CD81: variants seen among roughly 807,000 people sequenced by gnomAD.
The protein encoded by CD81 is CD81 molecule.
Under a neutral mutation model 30.1 loss-of-function variants are expected in CD81, and 10 were observed. The observed-to-expected ratio is 0.33, with a 90% CI of 0.21 to 0.56. The LOEUF is 0.56. Ranked by LOEUF, CD81 falls within the 20% of genes least tolerant of loss-of-function variation. The pLI is 0.89. For synonymous variants in CD81, 147 were observed against 126.4 expected, an observed-to-expected ratio of 1.16 and a Z score of -1.10; for missense variants, 263 against 308.7, an observed-to-expected ratio of 0.85 and a Z score of 1.11.
Position 2,395,505 on chromosome 11 carries a change from G to T in CD81, c.444G>T (p.Lys148Asn). Residue 148 changes from lysine to asparagine, a missense_variant, in exon 5 of 8, where the codon AAG becomes AAT. This residue lies in a region of CD81 where 176 missense variants were observed against 192.9 expected (regional missense o/e 0.91). Transcript: ENST00000263645. ...DDANNAKAVV[K>N]TFHETLDCCG... ...CCAACAACGCCAAGGCTGTGGTGAA[G>T]ACCTTCCACGAGACGGTGCGGCCCC... The T allele has an allele frequency of 3.1e-6, 5 of 1,612,546 alleles. No homozygotes were observed. Among genetic ancestry groups the T allele is most frequent in the Non-Finnish European group, 4.2e-6 (5 of 1,179,774 alleles).
chr11:2,379,383 GT>G (rs1849663239), intron 1 of CD81, among the ~76,000 whole-genome samples: 1 of 136,332 alleles, frequency 7.3e-6, no homozygotes, highest in Admixed American at 7.2e-5. Flanking sequence ...AGGCCTGGGG[GT>G]GGGGGCTGAG....
intron 1 of CD81, among the ~76,000 whole-genome samples, chr11:2,389,284 G>C (rs989760153): frequency 2.0e-5 from 3 of 152,204 alleles, no homozygotes; most frequent in African/African-American, 7.2e-5. Context: ...AGGACTCAGG[G>C]TCACTGGTCA....
chr11:2,383,659 C>A (rs1483049000), intron 1 of CD81, among the ~76,000 whole-genome samples: 1 of 152,162 alleles, frequency 6.6e-6, no homozygotes, highest in Non-Finnish European at 1.5e-5. Context: ...AGGCACAGAG[C>A]CCGCAGCGTG....
At chr11:2,393,806 G>T (rs1589852769) in intron 2 of CD81, 1 of 626,982 alleles carries the variant, frequency 1.6e-6, no homozygotes, top group Non-Finnish European at 2.9e-6. Flanking sequence ...CACCGCAGGT[G>T]TCATCCCTGC....
chr11:2,395,055 G>T lies in CD81; in HGVS notation c.354+9G>T, dbSNP rs1849971268. On this transcript the variant is annotated intron_variant, in intron 4 of 7. Coordinates refer to ENST00000263645, the MANE Select transcript of CD81 (RefSeq NM_004356.4). ...TTGTCAACAAGGACCAGGTGAGCCT[G>T]GGTGTGCAGGGACAGGGTGGGGTGG... is the stretch of plus-strand genomic sequence containing the variant. 2 of 1,610,588 alleles carry T rather than the reference G, an allele frequency of 1.2e-6. No individual in the cohort carries two copies. The highest frequency in any genetic ancestry group is 4.5e-5 in the East Asian group (2 of 44,882).
Position 2,390,538 on chromosome 11 carries a change from T to G in CD81, c.181+12T>G. On this transcript the variant is annotated intron_variant, in intron 2 of 7. Coordinates refer to ENST00000263645, the MANE Select transcript of CD81 (RefSeq NM_004356.4). The stretch of plus-strand genomic sequence containing the variant: ...CACCTTCTATGTAGGTGAGTGCACA[T>G]GTGGCCGCAGACGCATTCAGGGAGG... The G allele has an allele frequency of 6.3e-7, 1 of 1,583,804 alleles. No homozygotes were observed. The highest frequency in any genetic ancestry group is 1.1e-5 in the South Asian group (1 of 90,500).
chr11:2,390,987 C>T (rs1849888879), intron 2 of CD81: 2 of 263,088 alleles, frequency 7.6e-6, no homozygotes, highest in Admixed American at 4.9e-5. Context: ...GGCGGTGTGA[C>T]TCAGCTGCCC....
At chr11:2,387,261 A>G (rs1465083779) in intron 1 of CD81, among the ~76,000 whole-genome samples, 1 of 152,050 alleles carries the variant, frequency 6.6e-6, no homozygotes, top group East Asian at 1.9e-4. Flanking sequence ...GGGACCTTCC[A>G]GTGGCCCCAC....
rs1849625854 is a variant in CD81 at position 2,377,857 on chromosome 11, G to C, written c.66+242G>C. The stretch of plus-strand genomic sequence containing the variant: ...TGCTCGGGGGCCCACCTCTGCGGCC[G>C]GGCCGGGGCTTCTGGGGGCCGCCGG... On this transcript the variant is annotated intron_variant, in intron 1 of 7. Transcript: ENST00000263645. The surrounding 1 kb of genome is among the most constrained non-coding windows in gnomAD (Gnocchi z 7.7). The C allele has an allele frequency of 4.2e-6, 1 of 240,628 alleles. No homozygotes were observed. Among genetic ancestry groups the C allele is most frequent in the Admixed American group, 5.8e-5 (1 of 17,106 alleles). The allele number at this position is 240,628 out of a possible 1,614,324, so 14.9% of individuals were successfully genotyped here.
chr11:2,393,476 A>C, intron 2 of CD81: 1 of 189,094 alleles, frequency 5.3e-6, no homozygotes, highest in Non-Finnish European at 1.1e-5. Flanking sequence ...TAGGAATCCA[A>C]CTTGATCCTC....
chr11:2,384,438 G>A (rs1464045418), intron 1 of CD81, among the ~76,000 whole-genome samples: 1 of 137,884 alleles, frequency 7.3e-6, no homozygotes, highest in African/African-American at 2.7e-5. Flanking sequence ...CTCGGGAGGC[G>A]GGGCGTCTTG....
intron 5 of CD81, 43 bp downstream of exon 5, chr11:2,395,563 A>G: frequency 6.7e-7 from 1 of 1,482,774 alleles, no homozygotes; most frequent in Non-Finnish European, 9.4e-7. Flanking sequence ...GGCCCCGGGA[A>G]CCCGGCGGGG....
intron 1 of CD81, among the ~76,000 whole-genome samples, chr11:2,387,164 G>A (rs1849812557): frequency 6.6e-6 from 1 of 152,164 alleles, no homozygotes; most frequent in African/African-American, 2.4e-5. Flanking sequence ...GGGGTGGATG[G>A]GCCTCTACAG....
intron 5 of CD81, 53 bp from the exon 6 acceptor site, chr11:2,395,816 C>A: frequency 7.9e-7 from 1 of 1,262,914 alleles, no homozygotes; most frequent in African/African-American, 1.5e-5. Context: ...TCCCTAGAGC[C>A]ACCGTCCCCC....
chr11:2,385,806 G>A (rs919809002), intron 1 of CD81: 12 of 627,662 alleles, frequency 1.9e-5, no homozygotes, highest in South Asian at 7.6e-5. Context: ...CCCGTTCACC[G>A]GTCAGTGGGC....
intron 2 of CD81, chr11:2,393,868 G>T (rs1403264379): frequency 1.3e-5 from 9 of 687,462 alleles, no homozygotes; most frequent in Non-Finnish European, 2.4e-5. Context: ...CAGTCCCCAT[G>T]TGGCCTCCTT....
intron 1 of CD81, among the ~76,000 whole-genome samples, chr11:2,382,028 T>A (rs1849712658): frequency 6.6e-6 from 1 of 152,336 alleles, no homozygotes; most frequent in African/African-American, 2.4e-5. Context: ...AAGTGCTGAA[T>A]CATGAGAGAC....
chr11:2,385,301 C>G (rs995994896), intron 1 of CD81, among the ~76,000 whole-genome samples: 13 of 152,162 alleles, frequency 8.5e-5, no homozygotes, highest in African/African-American at 2.9e-4. Flanking sequence ...CCATCACCAA[C>G]TCCCCAGGTG....
intron 3 of CD81, chr11:2,394,760 G>C: frequency 1.6e-6 from 1 of 637,318 alleles, no homozygotes; most frequent in Non-Finnish European, 2.9e-6. Flanking sequence ...TGCCGCGTGG[G>C]GACATCCTGG....
Sources: allele counts gnomAD v4.1 joint callset (sites outside exome capture counted in the v4.1 genomes callset), GRCh38; gene constraint gnomAD v4.1.1; regional missense constraint gnomAD v4.1.1; non-coding constraint Gnocchi (gnomAD v3.1); transcripts MANE v1.5; gene names NCBI Gene and HGNC (gene_info 2026-07-23, HGNC 2026-07-21).